Variants in PRIMA1 observed in about 807,000 individuals in gnomAD.
PRIMA1 encodes the protein proline-rich membrane anchor 1.
Under a neutral mutation model 17.5 loss-of-function variants are expected in PRIMA1, and 7 were observed. That is an observed-to-expected ratio of 0.40 (90% CI 0.23 to 0.75). The LOEUF (loss-of-function observed/expected upper bound fraction) is 0.75. Among genes scored for constraint, PRIMA1 ranks in the 30% least tolerant of loss-of-function variants. The probability of loss-of-function intolerance (pLI) is 0.37; values close to 1 mark genes in which losing one functional copy is unlikely to be tolerated. For synonymous variants in PRIMA1, 97 were observed against 77.9 expected (o/e 1.25, Z -1.29); for missense variants, 200 against 201.8 (o/e 0.99, Z 0.05).
In PRIMA1 at chr14:93,737,314, T is replaced by A. The variant is rs1426034657; in HGVS notation, c.286A>T (p.Ile96Phe). 6.2e-7 allele frequency: 1 copy of A among 1,614,014 alleles called. No homozygotes were observed. The highest frequency in any genetic ancestry group is 8.5e-7 in the Non-Finnish European group (1 of 1,180,028). The change falls in exon 4 of 5, where the codon ATC (isoleucine) becomes TTC (phenylalanine). Residue 96 changes from isoleucine (I) to phenylalanine (F), a missense_variant. By Grantham distance (21) the Ile-to-Phe change is conservative (BLOSUM62 0). Transcript: ENST00000393140. Reference protein sequence around the residue: ...EESWWSGLVIIIAVCCASLVF... With the variant: ...EESWWSGLVIFIAVCCASLVF... ...AGGGAGGCACAGCATACGGCAATGA[T>A]GATCACCAGCCCCGACCACCAGCTT...
At chr14:93,767,210 G>A (rs188119636) in intron 3 of PRIMA1, among the ~76,000 whole-genome samples, 44 of 151,482 alleles carry the variant, frequency 2.9e-4, no homozygotes, top group Admixed American at 4.6e-4. Flanking sequence ...TATTAAGAAC[G>A]ATGTATGCCA....
At chr14:93,787,484 C>G (rs767379186) in intron 2 of PRIMA1, 142 bp downstream of exon 2, 18 of 1,196,268 alleles carry the variant, frequency 1.5e-5, no homozygotes, top group Non-Finnish European at 1.9e-5. Flanking sequence ...TATAGGGGAC[C>G]GTAGCAGCTT....
At chr14:93,721,881 A>G (rs1345194582) in intron 4 of PRIMA1, among the ~76,000 whole-genome samples, 1 of 152,240 alleles carries the variant, frequency 6.6e-6, no homozygotes, top group Non-Finnish European at 1.5e-5. Flanking sequence ...TAGCACGATC[A>G]GGCCTTGACT....
chr14:93,747,723 T>C (rs1692150344), intron 3 of PRIMA1, among the ~76,000 whole-genome samples: 1 of 150,688 alleles, frequency 6.6e-6, no homozygotes, highest in Admixed American at 6.6e-5. Context: ...TATGAGTGTG[T>C]ATATGAGTGT....
At chr14:93,756,049 G>A (rs959903547) in intron 3 of PRIMA1, among the ~76,000 whole-genome samples, 43 of 152,274 alleles carry the variant, frequency 2.8e-4, no homozygotes, top group African/African-American at 9.9e-4. Context: ...CCTGTGAGAT[G>A]CCAATTTTTA....
intron 3 of PRIMA1, among the ~76,000 whole-genome samples, chr14:93,745,553 C>A (rs1396948218): frequency 6.6e-6 from 1 of 152,230 alleles, no homozygotes. Context: ...CCTTGCCCCA[C>A]GCTCCTCAAT....
chr14:93,754,725 A>G (rs2076280586), intron 3 of PRIMA1, among the ~76,000 whole-genome samples: 1 of 152,198 alleles, frequency 6.6e-6, no homozygotes, highest in South Asian at 2.1e-4. Flanking sequence ...AATCCAGTGG[A>G]CATTGAGCCC....
chr14:93,782,291 A>ATACATACATACATACATAC (rs1156595006), intron 2 of PRIMA1, among the ~76,000 whole-genome samples: 3 of 149,220 alleles, frequency 2.0e-5, no homozygotes, highest in Admixed American at 6.7e-5. Context: ...TAAATAAATA[A>ATACATACATACATACATAC]ATACATACAT....
intron 3 of PRIMA1, among the ~76,000 whole-genome samples, chr14:93,775,916 C>T (rs996510701): frequency 3.3e-5 from 5 of 152,232 alleles, no homozygotes; most frequent in African/African-American, 4.8e-5. Context: ...CGGGCCTGAC[C>T]AACCAGCATA....
At chr14:93,783,824 A>T (rs1180991717) in intron 2 of PRIMA1, among the ~76,000 whole-genome samples, 1 of 151,712 alleles carries the variant, frequency 6.6e-6, no homozygotes, top group Non-Finnish European at 1.5e-5. Flanking sequence ...GGTCTGAGGG[A>T]CACAGTGTTC....
chr14:93,768,445 C>T (rs777065830), intron 3 of PRIMA1, among the ~76,000 whole-genome samples: 3 of 152,310 alleles, frequency 2.0e-5, no homozygotes, highest in Admixed American at 6.5e-5. Flanking sequence ...TTGATTCATG[C>T]GAGCATCACC....
At chr14:93,780,333 C>T (rs10143735) in intron 2 of PRIMA1, among the ~76,000 whole-genome samples, 30,863 of 152,228 alleles carry the variant, frequency 0.2, 3,433 homozygotes, top group Middle Eastern at 0.25. Context: ...TTCACCATGG[C>T]ACTGTGAGCT....
At chr14:93,757,255 C>T (rs956466162) in intron 3 of PRIMA1, among the ~76,000 whole-genome samples, 1 of 152,040 alleles carries the variant, frequency 6.6e-6, no homozygotes, top group African/African-American at 2.4e-5. Context: ...AGGGAGTCCT[C>T]TTACTTAATG....
At chr14:93,778,366 T>C (rs1345293485) in intron 3 of PRIMA1, among the ~76,000 whole-genome samples, 1 of 152,142 alleles carries the variant, frequency 6.6e-6, no homozygotes, top group African/African-American at 2.4e-5. Flanking sequence ...CTCCAGAACA[T>C]TGCATCACTG....
chr14:93,772,660 A>G (rs34053598), intron 3 of PRIMA1, among the ~76,000 whole-genome samples: 50,600 of 152,240 alleles, frequency 0.33, 8,958 homozygotes, highest in Non-Finnish European at 0.39. Context: ...TACCTTCACC[A>G]GGGACACTCC....
At chr14:93,727,684 G>A (rs1353259580) in intron 4 of PRIMA1, among the ~76,000 whole-genome samples, 1 of 152,154 alleles carries the variant, frequency 6.6e-6, no homozygotes. Context: ...AGGTCTGGTG[G>A]AGGTCCTATA....
intron 4 of PRIMA1, among the ~76,000 whole-genome samples, chr14:93,727,056 C>T (rs2076082614): frequency 1.3e-5 from 2 of 152,168 alleles, no homozygotes; most frequent in Admixed American, 6.5e-5. Flanking sequence ...AGGGCGTCAC[C>T]GTGAGAAGCA....
chr14:93,721,620 GGGGTGTAACC>G, intron 4 of PRIMA1, 74 bp from the exon 5 acceptor site: 1 of 887,230 alleles, frequency 1.1e-6, no homozygotes, highest in Non-Finnish European at 1.8e-6. Context: ...CACTGATGGT[GGGGTGTAACC>G]TCCAGCTAGC....
intron 3 of PRIMA1, among the ~76,000 whole-genome samples, chr14:93,773,135 G>C (rs768606006): frequency 1.3e-5 from 2 of 152,228 alleles, no homozygotes; most frequent in Admixed American, 6.5e-5. Context: ...TAGAGGGCAG[G>C]AAGCCAGGCT....
Sources: gnomAD v4.1 joint callset for allele counts (sites outside exome capture counted in the v4.1 genomes callset) on GRCh38, gnomAD v4.1.1 for gene constraint, MANE v1.5 for transcripts, NCBI Gene and HGNC (gene_info 2026-07-23, HGNC 2026-07-21) for gene names.